Variants in CHD6 observed in about 807,000 individuals in gnomAD.
CHD6 encodes the protein ATP-dependent chromatin remodeler CHD6.
Under a neutral mutation model 276.9 loss-of-function variants are expected in CHD6, and 50 were observed. The observed-to-expected ratio is 0.18, with a 90% CI of 0.14 to 0.23. CHD6 has a LOEUF of 0.23. Among genes scored for constraint, CHD6 ranks in the 10% least tolerant of loss-of-function variants. The pLI, the probability that CHD6 is intolerant of heterozygous loss-of-function variation, is 1.00. For missense variants in CHD6, 2,564 were observed against 3,365.8 expected, an observed-to-expected ratio of 0.76 and a Z score of 5.89; for synonymous variants, 1,173 against 1,229.3, an observed-to-expected ratio of 0.95 and a Z score of 0.96.
chr20:41,543,665 G>A (rs756400783), intron 2 of CHD6, among the ~76,000 whole-genome samples: 35 of 152,046 alleles, frequency 2.3e-4, no homozygotes, highest in Admixed American at 2.6e-4. Flanking sequence ...CACCCAGAAG[G>A]GTCCCAAGAT....
At chr20:41,557,102 A>G (rs1176945449) in intron 1 of CHD6, among the ~76,000 whole-genome samples, 2 of 152,260 alleles carry the variant, frequency 1.3e-5, no homozygotes, top group Non-Finnish European at 2.9e-5. Context: ...AATACAGATA[A>G]TTCTACAGAT....
chr20:41,493,819 G>GAAAGA, intron 9 of CHD6, 39 bp downstream of exon 9: 1 of 1,584,206 alleles, frequency 6.3e-7, no homozygotes, highest in Non-Finnish European at 8.7e-7. Flanking sequence ...GAAATACGTG[G>GAAAGA]AAAGAAGGGA....
chr20:41,495,097 A>C (rs967345352), intron 8 of CHD6, among the ~76,000 whole-genome samples: 10 of 152,106 alleles, frequency 6.6e-5, no homozygotes, highest in African/African-American at 2.4e-4. Context: ...TTTCCATCTT[A>C]ATGATACGAA....
At chr20:41,451,439 G>T (rs1472555018) in intron 22 of CHD6, among the ~76,000 whole-genome samples, 2 of 152,184 alleles carry the variant, frequency 1.3e-5, no homozygotes, top group African/African-American at 4.8e-5. Flanking sequence ...AAACTTCAAG[G>T]GGAGCCTTAG....
chr20:41,548,000 G>GT (rs2045075893), intron 2 of CHD6: 1 of 240,994 alleles, frequency 4.1e-6, no homozygotes, highest in African/African-American at 2.3e-5. Context: ...CAACTAAATC[G>GT]TAAGGTCAGA....
intron 17 of CHD6, among the ~76,000 whole-genome samples, chr20:41,467,561 GAAAAAAAAAAAAA>G (rs11472253): frequency 2.6e-5 from 1 of 39,156 alleles, no homozygotes; most frequent in South Asian, 1.1e-3. Context: ...TTCTGACAAT[GAAAAAAAAAAAAA>G]AAAAAAAAAA....
chr20:41,587,626 G>A (rs1601170320), intron 1 of CHD6, among the ~76,000 whole-genome samples: 2 of 152,176 alleles, frequency 1.3e-5, no homozygotes, highest in East Asian at 3.8e-4. Flanking sequence ...CTGGTAAGTG[G>A]GGAACTGATC....
At chr20:41,589,329 A>G (rs2045630845) in intron 1 of CHD6, among the ~76,000 whole-genome samples, 1 of 152,172 alleles carries the variant, frequency 6.6e-6, no homozygotes, top group Admixed American at 6.5e-5. Flanking sequence ...GCCCTCTCTC[A>G]CCACTCCTAT....
Position 41,533,536 on chromosome 20 carries a change from A to G in CHD6, c.68T>C (p.Met23Thr), listed in dbSNP as rs1451159479. The G allele has an allele frequency of 1.2e-6, 2 of 1,611,042 alleles. No homozygotes were observed. The highest frequency in any genetic ancestry group is 1.3e-5 in the African/African-American group (1 of 74,932). The change falls in exon 3 of 37, where the codon ATG (methionine) becomes ACG (threonine). Residue 23 changes from methionine to threonine, a missense_variant. Physicochemically the swap from Met to Thr is moderately conservative, Grantham distance 81. This residue lies in a region of CHD6 where 286 missense variants were observed against 297.8 expected (regional missense o/e 0.96). Coordinates refer to ENST00000373233, the MANE Select transcript of CHD6 (RefSeq NM_032221.5). ...GTCAAAATTGACAGAGGCATCAGAC[A>G]TTGGGGAGTGATTCAAAACTTTTAA... is the stretch of plus-strand genomic sequence containing the variant. ...SNLKVLNHSP[M>T]SDASVNFDYK...
chr20:41,435,237 C>T (rs956991681), intron 27 of CHD6, among the ~76,000 whole-genome samples: 5 of 152,034 alleles, frequency 3.3e-5, no homozygotes, highest in African/African-American at 1.2e-4. Context: ...ATTTACAGCA[C>T]TAAATGCATA....
intron 2 of CHD6, among the ~76,000 whole-genome samples, chr20:41,538,844 G>A (rs2044885760): frequency 6.6e-6 from 1 of 152,136 alleles, no homozygotes; most frequent in African/African-American, 2.4e-5. Context: ...GCTTGTTCAA[G>A]CTTGATACAG....
intron 17 of CHD6, among the ~76,000 whole-genome samples, chr20:41,459,821 C>A (rs2048488990): frequency 6.6e-6 from 1 of 152,190 alleles, no homozygotes; most frequent in Non-Finnish European, 1.5e-5. Flanking sequence ...ACCAGTAAAG[C>A]AGGGCGTTGC....
rs148039353 is a variant in CHD6, at chr20:41,417,231, C to A, written c.6246G>T (p.Glu2082Asp). 4.2e-5 allele frequency: 68 copies of A among 1,613,978 alleles called. No individual in the cohort carries two copies. In the African/African-American group the frequency reaches 8.3e-4, roughly 20 times the overall value. The stretch of plus-strand genomic sequence containing the variant: ...ACTCAGAGAAGGAATAGAGAGTTTT[C>A]TCCTGTAGCAGCTGAGCAATAGTGG... ...RAPTIAQLLQ[E>D]KTLYSFSEWP... Residue 2082 changes from glutamate (E) to aspartate (D), a missense_variant, in exon 32 of 37, where the codon GAG becomes GAT. Physicochemically the swap from Glu to Asp is conservative, Grantham distance 45. Around this residue, in one of 7 missense-constraint regions of CHD6, gnomAD observed 1,024 missense variants for 1,047.9 expected, o/e 0.98. Transcript: ENST00000373233.
chr20:41,448,263 T>C (rs1336235340), intron 23 of CHD6, among the ~76,000 whole-genome samples: 1 of 152,256 alleles, frequency 6.6e-6, no homozygotes, highest in East Asian at 1.9e-4. Flanking sequence ...ACCCCTTCCA[T>C]GTGGCCACAG....
intron 17 of CHD6, among the ~76,000 whole-genome samples, chr20:41,466,857 GC>G (rs903739151): frequency 6.6e-6 from 1 of 152,198 alleles, no homozygotes; most frequent in African/African-American, 2.4e-5. Context: ...CCCAGGGATG[GC>G]CAGGTAACAC....
chr20:41,610,072 G>A (rs918644600), intron 1 of CHD6, among the ~76,000 whole-genome samples: 1 of 151,942 alleles, frequency 6.6e-6, no homozygotes, highest in African/African-American at 2.4e-5. Flanking sequence ...GGCCAGGCTG[G>A]TCTCGAACTC....
intron 10 of CHD6, among the ~76,000 whole-genome samples, chr20:41,492,077 G>A (rs540855364): frequency 2.0e-5 from 3 of 152,254 alleles, no homozygotes; most frequent in Admixed American, 6.5e-5. Flanking sequence ...TATCTGGTCC[G>A]TCACTGCATT....
At chr20:41,546,047 C>G (rs1568692917) in intron 2 of CHD6, among the ~76,000 whole-genome samples, 1 of 152,056 alleles carries the variant, frequency 6.6e-6, no homozygotes, top group Non-Finnish European at 1.5e-5. Flanking sequence ...TGGTTTGTAA[C>G]CAGGCTAGAA....
rs75576471 is a variant in CHD6 at position 41,533,212 on chromosome 20, C to A, written c.392G>T (p.Arg131Ile). The A allele has an allele frequency of 6.2e-7, 1 of 1,613,666 alleles. No homozygotes were observed. The highest frequency in any genetic ancestry group is 1.3e-5 in the African/African-American group (1 of 74,900). Residue 131 changes from arginine to isoleucine, a missense_variant, in exon 3 of 37, where the codon AGA becomes ATA. Around this residue, in one of 7 missense-constraint regions of CHD6, gnomAD observed 286 missense variants for 297.8 expected, o/e 0.96. Coordinates refer to ENST00000373233, the MANE Select transcript of CHD6 (RefSeq NM_032221.5). ...KREPKEPKEP[R>I]KAKEPKKAKE... The stretch of plus-strand genomic sequence containing the variant: ...GGCCTTCTTCGGCTCCTTGGCCTTT[C>A]TGGGTTCCTTTGGCTCTTTCGGTTC...
Sources: gnomAD v4.1 joint callset for allele counts (sites outside exome capture counted in the v4.1 genomes callset) on GRCh38, gnomAD v4.1.1 for gene constraint, gnomAD v4.1.1 regional missense constraint, MANE v1.5 for transcripts, NCBI Gene and HGNC (gene_info 2026-07-23, HGNC 2026-07-21) for gene names.